BRINP3: variants seen among roughly 807,000 people sequenced by gnomAD.
BRINP3 encodes the protein BMP/retinoic acid-inducible neural-specific protein 3.
A neutral mutation model predicts 71.0 loss-of-function variants in BRINP3; 19 were observed. The ratio of observed to expected loss-of-function variants is 0.27; its 90% CI spans 0.19 to 0.39. The LOEUF (loss-of-function observed/expected upper bound fraction) is 0.39, where lower values mean the gene tolerates loss of function less well. Ranked by LOEUF, BRINP3 falls within the 10% of genes least tolerant of loss-of-function variation. The pLI is 1.00. For synonymous variants in BRINP3, 380 were observed against 337.7 expected (o/e 1.13, Z -1.37); for missense variants, 959 against 940.8 (o/e 1.02, Z -0.25).
At chr1:190,417,709 T>TA (rs1673101854) in intron 2 of BRINP3, among the ~76,000 whole-genome samples, 1 of 152,164 alleles carries the variant, frequency 6.6e-6, no homozygotes, top group African/African-American at 2.4e-5. Context: ...TATAGACTTT[T>TA]AAAAAACTTG....
chr1:190,258,373 T>C (rs1000136183), intron 4 of BRINP3, among the ~76,000 whole-genome samples: 4 of 152,126 alleles, frequency 2.6e-5, no homozygotes, highest in Non-Finnish European at 5.9e-5. Flanking sequence ...AATACTGCAC[T>C]AGTTATTGTT....
At chr1:190,291,538 C>A (rs1284819813) in intron 2 of BRINP3, among the ~76,000 whole-genome samples, 6 of 152,028 alleles carry the variant, frequency 3.9e-5, no homozygotes, top group Non-Finnish European at 8.8e-5. Flanking sequence ...AAAGTGGCCA[C>A]CATTTTAATA....
intron 3 of BRINP3, 62 bp from the exon 4 acceptor site, chr1:190,265,117 C>G: frequency 1.4e-6 from 2 of 1,429,012 alleles, no homozygotes; most frequent in South Asian, 1.3e-5. Context: ...TTTAACTTAT[C>G]TGCAGGTGGA....
chr1:190,378,962 A>G (rs1342087998), intron 2 of BRINP3, among the ~76,000 whole-genome samples: 1 of 152,220 alleles, frequency 6.6e-6, no homozygotes, highest in Non-Finnish European at 1.5e-5. Flanking sequence ...CATGAATCAC[A>G]AAGTATTTTA....
chr1:190,366,650 C>G (rs1436005624), intron 2 of BRINP3, among the ~76,000 whole-genome samples: 1 of 152,128 alleles, frequency 6.6e-6, no homozygotes, highest in East Asian at 1.9e-4. Flanking sequence ...GTTCTTTCCA[C>G]CTATGAGACT....
intron 4 of BRINP3, among the ~76,000 whole-genome samples, chr1:190,241,563 T>G (rs1479256647): frequency 6.6e-6 from 1 of 152,068 alleles, no homozygotes. Context: ...TGTAGTATAT[T>G]GGGTCATTCA....
chr1:190,354,578 A>C (rs1455617372), intron 2 of BRINP3, among the ~76,000 whole-genome samples: 1 of 151,966 alleles, frequency 6.6e-6, no homozygotes, highest in East Asian at 1.9e-4. Flanking sequence ...AAGAATTTTA[A>C]AATTAATTTA....
chr1:190,365,833 T>TATATAC (rs1669463781), intron 2 of BRINP3, among the ~76,000 whole-genome samples: 2 of 135,444 alleles, frequency 1.5e-5, no homozygotes, highest in African/African-American at 5.4e-5. Context: ...TATATATATA[T>TATATAC]ATACACACAC....
At chr1:190,330,978 C>T (rs918199740) in intron 2 of BRINP3, among the ~76,000 whole-genome samples, 8 of 151,610 alleles carry the variant, frequency 5.3e-5, no homozygotes, top group Non-Finnish European at 8.8e-5. Flanking sequence ...CTTAGGGGAG[C>T]GGGGAAGGAG....
chr1:190,374,556 A>T (rs1210949575), intron 2 of BRINP3, among the ~76,000 whole-genome samples: 5 of 150,860 alleles, frequency 3.3e-5, no homozygotes, highest in Non-Finnish European at 7.4e-5. Flanking sequence ...TCACTAGAGT[A>T]AACTGAAAAA....
At chr1:190,340,033 C>CAA (rs959034158) in intron 2 of BRINP3, among the ~76,000 whole-genome samples, 1 of 151,646 alleles carries the variant, frequency 6.6e-6, no homozygotes, top group Non-Finnish European at 1.5e-5. Flanking sequence ...GACTGAGTAT[C>CAA]AAAAAGAGGA....
intron 2 of BRINP3, among the ~76,000 whole-genome samples, chr1:190,390,740 G>A (rs1363711633): frequency 6.6e-6 from 1 of 151,766 alleles, no homozygotes; most frequent in Non-Finnish European, 1.5e-5. Flanking sequence ...GCAGTGTCAT[G>A]GAAGCAGAGC....
intron 2 of BRINP3, among the ~76,000 whole-genome samples, chr1:190,314,260 G>A (rs1309360661): frequency 6.6e-6 from 1 of 151,988 alleles, no homozygotes; most frequent in Non-Finnish European, 1.5e-5. Context: ...CGTAGCCTGG[G>A]GAGTAAAAGA....
At chr1:190,154,058 C>G in intron 7 of BRINP3, 1 of 961,622 alleles carries the variant, frequency 1.0e-6, no homozygotes, top group South Asian at 4.8e-5. Flanking sequence ...CAGTTCTTCA[C>G]AAGTTTTTTC....
chr1:190,207,988 G>GTC (rs1223669183), intron 6 of BRINP3, among the ~76,000 whole-genome samples: 10 of 152,032 alleles, frequency 6.6e-5, no homozygotes, highest in African/African-American at 1.9e-4. Flanking sequence ...TTGAGACAGG[G>GTC]TCTCGCTGTG....
At chr1:190,128,654 G>C (rs1451201239) in intron 7 of BRINP3, among the ~76,000 whole-genome samples, 3 of 151,736 alleles carry the variant, frequency 2.0e-5, no homozygotes, top group Non-Finnish European at 4.4e-5. Flanking sequence ...AATAAATTAT[G>C]CTTCCAGGAT....
At chr1:190,116,590 A>G (rs1417211654) in intron 7 of BRINP3, among the ~76,000 whole-genome samples, 1 of 152,038 alleles carries the variant, frequency 6.6e-6, no homozygotes, top group Non-Finnish European at 1.5e-5. Context: ...TTCTTCCAAT[A>G]TCAGTGGTTG....
chr1:190,196,371 T>C (rs1417679930), intron 6 of BRINP3, among the ~76,000 whole-genome samples: 1 of 152,166 alleles, frequency 6.6e-6, no homozygotes, highest in Non-Finnish European at 1.5e-5. Flanking sequence ...ATGGTTCTGC[T>C]AATGTGACAT....
intron 7 of BRINP3, among the ~76,000 whole-genome samples, chr1:190,158,355 A>C (rs1329641653): frequency 6.6e-6 from 1 of 152,060 alleles, no homozygotes; most frequent in East Asian, 1.9e-4. Context: ...TTTTCTTCCC[A>C]GTCTCAAATA....
Sources: allele counts gnomAD v4.1 joint callset (sites outside exome capture counted in the v4.1 genomes callset), GRCh38; gene constraint gnomAD v4.1.1; transcripts MANE v1.5; gene names NCBI Gene and HGNC (gene_info 2026-07-23, HGNC 2026-07-21).